CNTNAP5: variants seen among roughly 807,000 people sequenced by gnomAD.
CNTNAP5 encodes the protein contactin associated protein family member 5.
CNTNAP5 carries 72 observed loss-of-function variants against 150.2 expected under a neutral mutation model. That is an observed-to-expected ratio of 0.48 (90% confidence interval 0.40 to 0.58). The LOEUF (loss-of-function observed/expected upper bound fraction) is 0.58. Ranked by LOEUF, CNTNAP5 falls within the 20% of genes least tolerant of loss-of-function variation. The pLI is 0.00. For missense variants in CNTNAP5, 1,636 were observed against 1,626.2 expected (o/e 1.01, Z -0.10); for synonymous variants, 672 against 619.8 (o/e 1.08, Z -1.25).
At chr2:124,660,779 AC>A (rs1678571160) in intron 13 of CNTNAP5, among the ~76,000 whole-genome samples, 1 of 151,774 alleles carries the variant, frequency 6.6e-6, no homozygotes, top group Non-Finnish European at 1.5e-5. Flanking sequence ...AAAATACAAG[AC>A]AAAAGATACA....
intron 13 of CNTNAP5, among the ~76,000 whole-genome samples, chr2:124,717,087 A>C (rs1408165694): frequency 6.6e-6 from 1 of 152,174 alleles, no homozygotes; most frequent in African/African-American, 2.4e-5. Context: ...TAATTATTTT[A>C]ATCAGGAGCA....
Position 124,713,313 on chromosome 2 carries a change from TCTTTC to T in CNTNAP5, c.2078-33910_2078-33906del, listed in dbSNP as rs1369389956. Among the ~76,000 whole-genome samples, 149 of 101,068 alleles carry T rather than the reference TCTTTC, an allele frequency of 1.5e-3. 3 individuals carry two copies. The highest frequency in any genetic ancestry group is 9.7e-3 in the Middle Eastern group (2 of 206). The allele number at this position is 101,068 out of a possible 152,430, so 66.3% of individuals were successfully genotyped here. A position where few individuals can be genotyped will look rare whatever the true frequency, so the allele number is the denominator to read the frequency against. On this transcript the variant is annotated intron_variant, in intron 13 of 23. Coordinates refer to ENST00000682447, the MANE Select transcript of CNTNAP5 (RefSeq NM_001367498.1). ...TCTTTCTTTCTTTCTTCTTTCTCTTTCTTTCCTTTCTTTCTTTCTTTCTTTCTTTC... is the reference window on the plus strand; with the variant it reads ...TCTTTCTTTCTTTCTTCTTTCTCTTTCTTTCTTTCTTTCTTTCTTTCTTTC...
chr2:124,707,138 G>GA (rs1228009653), intron 13 of CNTNAP5, among the ~76,000 whole-genome samples: 2,337 of 79,638 alleles, frequency 0.029, 99 homozygotes, highest in Middle Eastern at 0.043. Flanking sequence ...AGAAGAAGAA[G>GA]AGGAAGAAGA....
At chr2:124,692,008 C>T (rs1275521501) in intron 13 of CNTNAP5, among the ~76,000 whole-genome samples, 1 of 152,014 alleles carries the variant, frequency 6.6e-6, no homozygotes, top group Admixed American at 6.6e-5. Flanking sequence ...CTTTTGTGCT[C>T]TTGGTATCTA....
chr2:124,455,208 A>G (rs1227064099), intron 6 of CNTNAP5, among the ~76,000 whole-genome samples: 1 of 152,090 alleles, frequency 6.6e-6, no homozygotes, highest in Non-Finnish European at 1.5e-5. Flanking sequence ...TTAGAAACGA[A>G]ATGAGAGACA....
intron 7 of CNTNAP5, among the ~76,000 whole-genome samples, chr2:124,498,303 A>G (rs1410245287): frequency 6.6e-6 from 1 of 152,216 alleles, no homozygotes; most frequent in East Asian, 1.9e-4. Context: ...CTTCTGCAAG[A>G]AAGTTGCAAC....
chr2:124,049,044 C>T (rs534451292), intron 1 of CNTNAP5, among the ~76,000 whole-genome samples: 1 of 152,320 alleles, frequency 6.6e-6, no homozygotes, highest in Admixed American at 6.5e-5. Flanking sequence ...GTGCTTCCCC[C>T]ATTTGCTTAG....
At chr2:124,256,545 T>C (rs971052330) in intron 3 of CNTNAP5, among the ~76,000 whole-genome samples, 8 of 152,258 alleles carry the variant, frequency 5.3e-5, no homozygotes, top group African/African-American at 1.9e-4. Context: ...AAACCCTAAC[T>C]GCTAAGGAAG....
chr2:124,193,063 T>C (rs1685496878), intron 1 of CNTNAP5, among the ~76,000 whole-genome samples: 1 of 152,322 alleles, frequency 6.6e-6, no homozygotes, highest in Non-Finnish European at 1.5e-5. Flanking sequence ...TGTTTTCGTG[T>C]GTTTGTGTGT....
intron 1 of CNTNAP5, among the ~76,000 whole-genome samples, chr2:124,033,375 G>A (rs1398886412): frequency 6.6e-6 from 1 of 152,144 alleles, no homozygotes; most frequent in East Asian, 1.9e-4. Context: ...ACAGACTGAT[G>A]TTATGTAGGT....
intron 10 of CNTNAP5, among the ~76,000 whole-genome samples, chr2:124,551,403 A>G (rs13430312): frequency 0.078 from 11,862 of 152,210 alleles, 514 homozygotes; most frequent in African/African-American, 0.11. Context: ...GATTATGATA[A>G]TTGTTAGAAT....
chr2:124,137,593 G>C (rs1029039587), intron 1 of CNTNAP5, among the ~76,000 whole-genome samples: 4 of 152,034 alleles, frequency 2.6e-5, no homozygotes, highest in South Asian at 2.1e-4. Flanking sequence ...TTCTACTTTG[G>C]GCGCTTTAGG....
At chr2:124,068,026 A>G (rs1682204665) in intron 1 of CNTNAP5, among the ~76,000 whole-genome samples, 1 of 152,200 alleles carries the variant, frequency 6.6e-6, no homozygotes, top group Non-Finnish European at 1.5e-5. Context: ...TGGAGCAAGG[A>G]GGCAGAATAG....
intron 3 of CNTNAP5, among the ~76,000 whole-genome samples, chr2:124,304,990 A>G (rs780006): frequency 0.68 from 102,276 of 151,362 alleles, 34,874 homozygotes; most frequent in African/African-American, 0.78. Context: ...TGCAGGCCAC[A>G]TGTGGTGGCA....
At chr2:124,171,445 C>T (rs1684929331) in intron 1 of CNTNAP5, among the ~76,000 whole-genome samples, 1 of 152,118 alleles carries the variant, frequency 6.6e-6, no homozygotes, top group African/African-American at 2.4e-5. Context: ...GATATGATGG[C>T]AGCTCCTGGA....
chr2:124,457,278 A>G (rs537261844), intron 6 of CNTNAP5, among the ~76,000 whole-genome samples: 1 of 152,330 alleles, frequency 6.6e-6, no homozygotes, highest in Admixed American at 6.5e-5. Flanking sequence ...AGAAAATGTA[A>G]TTAAAACAAA....
intron 3 of CNTNAP5, among the ~76,000 whole-genome samples, chr2:124,295,489 CG>C (rs750458359): frequency 2.3e-5 from 3 of 131,200 alleles, no homozygotes; most frequent in African/African-American, 5.8e-5. Context: ...CTGAGGACAG[CG>C]AAAATCACCT....
chr2:124,246,715 A>T (rs75912908), intron 3 of CNTNAP5, among the ~76,000 whole-genome samples: 7 of 152,126 alleles, frequency 4.6e-5, no homozygotes, highest in African/African-American at 1.7e-4. Flanking sequence ...CCTTTCCTTC[A>T]TGAGCACAAT....
At chr2:124,858,989 T>C (rs1034421645) in intron 19 of CNTNAP5, among the ~76,000 whole-genome samples, 1 of 152,138 alleles carries the variant, frequency 6.6e-6, no homozygotes, top group African/African-American at 2.4e-5. Context: ...ATTCAGGACA[T>C]AGGCATGGGC....
Sources: allele counts gnomAD v4.1 joint callset (sites outside exome capture counted in the v4.1 genomes callset), GRCh38; gene constraint gnomAD v4.1.1; transcripts MANE v1.5; gene names NCBI Gene and HGNC (gene_info 2026-07-23, HGNC 2026-07-21).